The following FNBP1 variants were observed in gnomAD, a reference collection of about 807,000 sequenced individuals.
FNBP1 encodes the protein formin binding protein 1.
FNBP1 carries 26 observed loss-of-function variants against 90.6 expected under a neutral mutation model. The ratio of observed to expected loss-of-function variants is 0.29; its 90% confidence interval spans 0.21 to 0.40. FNBP1 has a LOEUF of 0.40. Among genes scored for constraint, FNBP1 ranks in the 10% least tolerant of loss-of-function variants. The pLI is 1.00. For missense variants in FNBP1, 635 were observed against 768.0 expected (o/e 0.83, Z 2.05); for synonymous variants, 260 against 265.2 (o/e 0.98, Z 0.19).
At chr9:129,981,788 G>T (rs1039489610) in intron 2 of FNBP1, among the ~76,000 whole-genome samples, 7 of 152,126 alleles carry the variant, frequency 4.6e-5, no homozygotes, top group African/African-American at 1.7e-4. Context: ...TGTCCTTCTT[G>T]TTTTGAAATT....
chr9:129,998,226 G>A (rs1201767945), intron 1 of FNBP1, among the ~76,000 whole-genome samples: 11 of 146,814 alleles, frequency 7.5e-5, no homozygotes, highest in East Asian at 6.0e-4. Flanking sequence ...AAAAATGGCC[G>A]GGCGCGGTGG....
chr9:129,906,946 A>C (rs2038185301), intron 12 of FNBP1, among the ~76,000 whole-genome samples: 1 of 151,992 alleles, frequency 6.6e-6, no homozygotes, highest in Non-Finnish European at 1.5e-5. Context: ...CTCCCAGCTA[A>C]TTTTTGTATT....
rs1053596837 is a variant in FNBP1 at position 129,887,244 on chromosome 9, G to A, written c.*3295C>T. ...ACATATAGTTACAAGGTCAATACAA[G>A]CCTCCAGTGGAAGCTCTTTATTTGG... On this transcript the variant is annotated 3_prime_UTR_variant, in exon 17 of 17. Transcript: ENST00000446176. 1.1e-5 allele frequency: 2 copies of A among 185,286 alleles called. No individual in the cohort carries two copies. The highest frequency in any genetic ancestry group is 4.7e-5 in the African/African-American group (2 of 42,602). 11.5% of individuals were successfully genotyped at this position (185,286 alleles called of 1,614,324 possible). A position where few individuals can be genotyped will look rare whatever the true frequency, so the allele number is the denominator to read the frequency against.
intron 8 of FNBP1, 97 bp downstream of exon 8, chr9:129,927,098 A>C: frequency 8.0e-7 from 1 of 1,252,794 alleles, no homozygotes; most frequent in South Asian, 1.3e-5. Flanking sequence ...GCAACCATCC[A>C]CCATGAGATG....
At chr9:129,992,153 A>G (rs2053264139) in intron 2 of FNBP1, among the ~76,000 whole-genome samples, 2 of 152,204 alleles carry the variant, frequency 1.3e-5, no homozygotes, top group African/African-American at 4.8e-5. Flanking sequence ...TGGGCACAGC[A>G]ATGTGAAGAG....
chr9:129,963,943 T>C (rs2048210533), intron 4 of FNBP1, among the ~76,000 whole-genome samples: 2 of 152,090 alleles, frequency 1.3e-5, no homozygotes, highest in Admixed American at 6.6e-5. Flanking sequence ...CCTGTCCCTC[T>C]ATCATTTATT....
rs938084480 is a variant in FNBP1 at position 129,919,116 on chromosome 9, C to T, written c.1171-3136G>A. On this transcript the variant is annotated intron_variant, in intron 10 of 16. Coordinates refer to ENST00000446176, the MANE Select transcript of FNBP1 (RefSeq NM_015033.3). ...TTGGTGCTGTGAATGGGGTTAGTGG[C>T]TGTGCCATGACTGTATGACCTGGCC... 54 of 873,506 alleles carry T rather than the reference C, an allele frequency of 6.2e-5. 1 individual carries two copies. Among genetic ancestry groups the T allele is most frequent in the Non-Finnish European group, 8.4e-5 (51 of 607,380 alleles). 54.1% of individuals were successfully genotyped at this position (873,506 alleles called of 1,614,324 possible).
chr9:129,956,325 A>G (rs962409869), intron 6 of FNBP1, among the ~76,000 whole-genome samples: 18 of 152,356 alleles, frequency 1.2e-4, no homozygotes, highest in African/African-American at 4.3e-4. Context: ...CAAAAGCTCA[A>G]CAAATCTATA....
intron 11 of FNBP1, among the ~76,000 whole-genome samples, chr9:129,911,158 G>C (rs2039209688): frequency 6.6e-6 from 1 of 152,044 alleles, no homozygotes. Context: ...CACCATGCGC[G>C]GCCTCTTGCT....
chr9:130,002,585 A>C (rs2055029168), intron 1 of FNBP1, among the ~76,000 whole-genome samples: 2 of 152,048 alleles, frequency 1.3e-5, no homozygotes, highest in African/African-American at 2.4e-5. Flanking sequence ...TTCTACTATG[A>C]ATGGAGCAAC....
intron 10 of FNBP1, among the ~76,000 whole-genome samples, chr9:129,920,307 A>C (rs1370169845): frequency 2.0e-5 from 3 of 152,006 alleles, no homozygotes; most frequent in Non-Finnish European, 2.9e-5. Context: ...TTTAAGTGTT[A>C]ATCTTTTTTT....
intron 12 of FNBP1, among the ~76,000 whole-genome samples, chr9:129,908,207 T>C (rs866106814): frequency 0.15 from 1,864 of 12,504 alleles, 18 homozygotes; most frequent in East Asian, 0.27. Context: ...TCTCTCTCTT[T>C]TTTTTTTTTT....
At chr9:129,919,057 T>C in intron 10 of FNBP1, 1 of 360,902 alleles carries the variant, frequency 2.8e-6, no homozygotes, top group South Asian at 2.2e-5. Context: ...TTTCGTAGTG[T>C]GGAAGCATAA....
intron 12 of FNBP1, among the ~76,000 whole-genome samples, chr9:129,905,312 A>ATATATATCTT (rs1327228641): frequency 6.8e-6 from 1 of 146,380 alleles, no homozygotes; most frequent in African/African-American, 2.5e-5. Flanking sequence ...ATATATATAT[A>ATATATATCTT]TTTTGTTAAT....
chr9:130,046,752 G>C (rs1055070974), upstream of FNBP1, among the ~76,000 whole-genome samples: 2 of 142,432 alleles, frequency 1.4e-5, no homozygotes, highest in African/African-American at 2.6e-5. Flanking sequence ...ACTGTACTCC[G>C]GCAACAGAGT....
chr9:129,910,235 C>T, intron 11 of FNBP1: 3 of 455,394 alleles, frequency 6.6e-6, no homozygotes, highest in Admixed American at 4.7e-5. Flanking sequence ...GTAATTCCAG[C>T]ACTTTGGGAG....
chr9:129,947,626 AC>A (rs2045527799), intron 6 of FNBP1, among the ~76,000 whole-genome samples: 1 of 150,588 alleles, frequency 6.6e-6, no homozygotes, highest in Non-Finnish European at 1.5e-5. Context: ...CCAGTGAGTT[AC>A]TTTTTTTTTT....
intron 6 of FNBP1, among the ~76,000 whole-genome samples, chr9:129,937,295 T>C (rs2043625350): frequency 6.6e-6 from 1 of 152,200 alleles, no homozygotes; most frequent in African/African-American, 2.4e-5. Flanking sequence ...CTGTTTATAA[T>C]AGCCAATAAT....
At chr9:129,983,224 A>C (rs4837440) in intron 2 of FNBP1, among the ~76,000 whole-genome samples, 148,509 of 152,192 alleles carry the variant, frequency 0.98, 72,567 homozygotes, top group East Asian at 1. Context: ...CCAGTCAAAT[A>C]CTAAACAGGA....
Sources: allele counts gnomAD v4.1 joint callset (sites outside exome capture counted in the v4.1 genomes callset), GRCh38; gene constraint gnomAD v4.1.1; transcripts MANE v1.5; gene names NCBI Gene and HGNC (gene_info 2026-07-23, HGNC 2026-07-21).